Variants in CLK3 observed in about 807,000 individuals in gnomAD.
The protein encoded by CLK3 is dual specificity protein kinase CLK3.
In CLK3, 24 loss-of-function variants were observed where a neutral mutation model predicts 65.2. That is an observed-to-expected ratio of 0.37 (90% CI 0.27 to 0.52). The LOEUF is 0.52. Ranked by LOEUF, CLK3 falls within the 20% of genes least tolerant of loss-of-function variation. The probability of loss-of-function intolerance (pLI) is 0.92; values close to 1 mark genes in which losing one functional copy is unlikely to be tolerated. For synonymous variants in CLK3, 252 were observed against 240.8 expected, an observed-to-expected ratio of 1.05 and a Z score of -0.43; for missense variants, 506 against 660.0, an observed-to-expected ratio of 0.77 and a Z score of 2.56.
chr15:74,615,689 G>A, upstream of CLK3: 1 of 1,239,218 alleles, frequency 8.1e-7, no homozygotes, highest in South Asian at 3.6e-5. Flanking sequence ...CCTAGGCCGC[G>A]GCGCCCGCCG....
chr15:74,619,121 G>A (rs542149566), intron 1 of CLK3, 76 bp from the exon 2 acceptor site: 8 of 1,573,900 alleles, frequency 5.1e-6, no homozygotes, highest in South Asian at 1.2e-5. Flanking sequence ...AGGAGCAACC[G>A]GGAAGCCCCA....
In CLK3 at chr15:74,619,330, G is replaced by T; in HGVS notation, c.134G>T (p.Arg45Leu). ...RYPSRREPPP[R>L]RSRSRSHDRL... The stretch of plus-strand genomic sequence containing the variant: ...CCGTCCCGAAGGGAGCCTCCCCCAC[G>T]AAGATCTCGGTCCAGAAGGTGAGAG... The change falls in exon 2 of 13, where the codon CGA (arginine) becomes CTA (leucine). Residue 45 changes from arginine to leucine, a missense_variant. Coordinates refer to ENST00000395066, the MANE Select transcript of CLK3 (RefSeq NM_001130028.2). 6.2e-7 allele frequency: 1 copy of T among 1,614,106 alleles called. No individual in the cohort carries two copies. The highest frequency in any genetic ancestry group is 8.5e-7 in the Non-Finnish European group (1 of 1,179,994).
rs751192539 is a variant in CLK3, at chr15:74,622,447, AC to A, written c.467-42del. 1.4e-6 allele frequency: 2 copies of A among 1,459,924 alleles called. No homozygotes were observed. Among genetic ancestry groups the A allele is most frequent in the Non-Finnish European group, 1.9e-6 (2 of 1,060,156 alleles). 90.4% of individuals were successfully genotyped at this position (1,459,924 alleles called of 1,614,324 possible). ...TGCTGTGAACTTGCAGGAGCTGCCA[AC>A]CCCCTGCCCTCCAGATTCTCATGCC... On this transcript the variant is annotated intron_variant, in intron 4 of 12. Coordinates refer to ENST00000395066, the MANE Select transcript of CLK3 (RefSeq NM_001130028.2). This position sits in a 1 kb window ranked among gnomAD's most constrained non-coding sequence, Gnocchi z 4.6.
At chr15:74,615,110 G>C, upstream of CLK3, 1 of 289,192 alleles carries the variant, frequency 3.5e-6, no homozygotes, top group East Asian at 5.6e-5. Flanking sequence ...GGGCTGTCCA[G>C]TGGCCCAGAG....
chr15:74,627,457 G>T lies in CLK3; in HGVS notation c.912+11G>T. On this transcript the variant is annotated intron_variant, in intron 8 of 12. Transcript: ENST00000395066. The surrounding 1 kb of genome is among the most constrained non-coding windows in gnomAD (Gnocchi z 4.3). ...TACAATGAGCACAAGGTATTGGTGG[G>T]GGTAAGGGTGAGGCCCTGTTTCAGG... The T allele has an allele frequency of 6.2e-7, 1 of 1,614,128 alleles. No homozygotes were observed. Among genetic ancestry groups the T allele is most frequent in the South Asian group, 1.1e-5 (1 of 91,076 alleles).
At chr15:74,628,845 G>A in intron 11 of CLK3, 97 bp from the exon 12 acceptor site, 1 of 1,050,866 alleles carries the variant, frequency 9.5e-7, no homozygotes, top group Non-Finnish European at 1.4e-6. Flanking sequence ...TGTTGCCCTG[G>A]TTCTGCTGCT....
intron 1 of CLK3, 163 bp from the exon 2 acceptor site, chr15:74,619,034 A>T (rs148107950): frequency 3.7e-5 from 27 of 739,690 alleles, no homozygotes; most frequent in Middle Eastern, 7.0e-4. Context: ...CTGTTTGACC[A>T]GTGTGACCTC....
chr15:74,609,177 G>A (rs181522739), intron 1 of CLK3, among the ~76,000 whole-genome samples: 148 of 152,324 alleles, frequency 9.7e-4, no homozygotes, highest in African/African-American at 3.5e-3. Flanking sequence ...CTCCACCAGG[G>A]TTGTGGAGCT....
At chr15:74,608,769 C>T (rs1239192167) in intron 1 of CLK3, 1 of 152,232 alleles carries the variant, frequency 6.6e-6, no homozygotes, top group African/African-American at 2.4e-5. Flanking sequence ...TGGCTCTGGT[C>T]GTGTGATTCC....
upstream of CLK3, among the ~76,000 whole-genome samples, chr15:74,610,918 G>A (rs1253367112): frequency 6.6e-6 from 1 of 152,220 alleles, no homozygotes; most frequent in Non-Finnish European, 1.5e-5. Context: ...CCTCACATGA[G>A]GCAGAGATCC....
chr15:74,613,681 G>A (rs1430833721), upstream of CLK3, among the ~76,000 whole-genome samples: 1 of 152,084 alleles, frequency 6.6e-6, no homozygotes, highest in Non-Finnish European at 1.5e-5. Flanking sequence ...GGGCAGGGCT[G>A]GGGACAGAAG....
upstream of CLK3, among the ~76,000 whole-genome samples, chr15:74,611,092 C>G (rs1003327837): frequency 6.6e-6 from 1 of 152,208 alleles, no homozygotes; most frequent in Non-Finnish European, 1.5e-5. Context: ...CACAGGGACC[C>G]TGGCCCTTCC....
At chr15:74,608,979 C>A (rs1004960905) in intron 1 of CLK3, among the ~76,000 whole-genome samples, 1 of 152,348 alleles carries the variant, frequency 6.6e-6, no homozygotes, top group Non-Finnish European at 1.5e-5. Context: ...AGCAGCCCCA[C>A]CTTCTCCTGA....
chr15:74,628,484 T>C (rs1053194612), intron 10 of CLK3, 120 bp from the exon 11 acceptor site: 2 of 668,944 alleles, frequency 3.0e-6, no homozygotes, highest in Non-Finnish European at 5.2e-6. Context: ...TGCCGCTTCA[T>C]TGGTAGGTTT....
At chr15:74,629,519 A>G in intron 12 of CLK3, 188 bp from the exon 13 acceptor site, 1 of 601,074 alleles carries the variant, frequency 1.7e-6, no homozygotes, top group Non-Finnish European at 3.0e-6. Flanking sequence ...GCAAGTTCCG[A>G]GCAAAACGTT....
intron 6 of CLK3, 113 bp from the exon 7 acceptor site, chr15:74,625,689 C>G: frequency 9.3e-7 from 1 of 1,077,608 alleles, no homozygotes; most frequent in Non-Finnish European, 1.4e-6. Context: ...TATCTGCATT[C>G]TGGTGTGTGA....
At chr15:74,619,984 A>G in intron 2 of CLK3, 25 bp from the exon 3 acceptor site, 1 of 1,613,714 alleles carries the variant, frequency 6.2e-7, no homozygotes, top group Non-Finnish European at 8.5e-7. Flanking sequence ...CCAGCTGACC[A>G]GCGTCCCCAT....
At chr15:74,615,816 C>T (rs1331674372), upstream of CLK3, 3 of 1,246,972 alleles carry the variant, frequency 2.4e-6, no homozygotes, top group African/African-American at 1.5e-5. Context: ...GCGGGGCTGC[C>T]ACGGGCGGAG....
At chr15:74,620,582 G>T (rs1451198806) in intron 3 of CLK3, 1 of 349,722 alleles carries the variant, frequency 2.9e-6, no homozygotes, top group Non-Finnish European at 5.4e-6. Context: ...TGGTATGGTG[G>T]TCTGCAGCTA....
Sources: gnomAD v4.1 joint callset for allele counts (sites outside exome capture counted in the v4.1 genomes callset) on GRCh38, gnomAD v4.1.1 for gene constraint, Gnocchi (gnomAD v3.1) non-coding constraint, MANE v1.5 for transcripts, NCBI Gene and HGNC (gene_info 2026-07-23, HGNC 2026-07-21) for gene names.